Variants in AHDC1 observed in about 807,000 individuals in gnomAD.
AHDC1 encodes transcription factor Gibbin.
Under a neutral mutation model 87.9 loss-of-function variants are expected in AHDC1, and 7 were observed. The ratio of observed to expected loss-of-function variants is 0.08; its 90% CI spans 0.05 to 0.15. The LOEUF (loss-of-function observed/expected upper bound fraction) is 0.15, where lower values mean the gene tolerates loss of function less well. AHDC1 is among the 10% of genes least tolerant of loss of function. The pLI, the probability that AHDC1 is intolerant of heterozygous loss-of-function variation, is 1.00. For missense variants in AHDC1, 1,841 were observed against 2,253.2 expected (o/e 0.82, Z 3.70); for synonymous variants, 1,051 against 1,006.8 (o/e 1.04, Z -0.83).
At chr1:27,574,534 C>A (rs1278987446) in intron 3 of AHDC1, among the ~76,000 whole-genome samples, 2 of 152,180 alleles carry the variant, frequency 1.3e-5, no homozygotes, top group Non-Finnish European at 2.9e-5. Context: ...GGTCACACAG[C>A]CAGCGAGTGG....
intron 3 of AHDC1, among the ~76,000 whole-genome samples, chr1:27,600,056 G>A (rs754157255): frequency 1.3e-5 from 2 of 151,878 alleles, no homozygotes; most frequent in Non-Finnish European, 1.5e-5. Flanking sequence ...CTTGGTCCCC[G>A]GCCCCCACCT....
chr1:27,587,382 C>T (rs1044109208), intron 3 of AHDC1, among the ~76,000 whole-genome samples: 1 of 152,212 alleles, frequency 6.6e-6, no homozygotes, highest in African/African-American at 2.4e-5. Flanking sequence ...CACAACTTTC[C>T]CTTCTGTCCT....
At chr1:27,583,937 C>T (rs1405434716) in intron 3 of AHDC1, among the ~76,000 whole-genome samples, 1 of 152,206 alleles carries the variant, frequency 6.6e-6, no homozygotes, top group East Asian at 1.9e-4. Flanking sequence ...AAGCAGTTGT[C>T]CCCTCTTTCC....
In AHDC1 at chr1:27,560,200, T is replaced by TG. The variant is rs2020007843; in HGVS notation, c.-628-1318_-628-1317insC. On this transcript the variant is annotated intron_variant, in intron 3 of 8. Coordinates refer to ENST00000673934, the MANE Select transcript of AHDC1 (RefSeq NM_001371928.1). The surrounding 1 kb of genome is among the most constrained non-coding windows in gnomAD (Gnocchi z 4.1). Reference sequence around the variant, plus strand: ...CTTTTCACGTTTATTTCTATTCGTTTTGTGTGTGTGTGTGTGTGTGTGTGA... The same window carrying TG: ...CTTTTCACGTTTATTTCTATTCGTTTGTGTGTGTGTGTGTGTGTGTGTGTGA... Among the ~76,000 whole-genome samples the TG allele has an allele frequency of 4.0e-5, 6 of 148,424 alleles. No individual in the cohort carries two copies. The highest frequency in any genetic ancestry group is 9.0e-5 in the Non-Finnish European group (6 of 66,930).
chr1:27,603,069 G>T (rs1238138705), intron 3 of AHDC1, among the ~76,000 whole-genome samples: 1 of 151,010 alleles, frequency 6.6e-6, no homozygotes, highest in Non-Finnish European at 1.5e-5. Flanking sequence ...AAGGAGGAGG[G>T]GGCGCGCGGC....
chr1:27,543,408 G>A (rs754988974), intron 8 of AHDC1, among the ~76,000 whole-genome samples: 3 of 152,150 alleles, frequency 2.0e-5, no homozygotes, highest in South Asian at 4.1e-4. Flanking sequence ...TCTGTTCCCC[G>A]TCCCATCAGC....
intron 3 of AHDC1, among the ~76,000 whole-genome samples, chr1:27,600,121 T>C (rs2089489564): frequency 6.6e-6 from 1 of 151,974 alleles, no homozygotes; most frequent in African/African-American, 2.4e-5. Context: ...CTCTCATCAC[T>C]GGCTTTGGTC....
In AHDC1 at chr1:27,549,701, C is replaced by G. The variant is rs1482567934; in HGVS notation, c.2415G>C (p.Gly805=). 2.5e-6 allele frequency: 4 copies of G among 1,613,050 alleles called. No homozygotes were observed. The highest frequency in any genetic ancestry group is 3.4e-6 in the Non-Finnish European group (4 of 1,180,012). Residue 805 remains glycine, a synonymous_variant, in exon 8 of 9, where the codon GGG becomes GGC. Coordinates refer to ENST00000673934, the MANE Select transcript of AHDC1 (RefSeq NM_001371928.1). ...GTEARAFAST[G]LESGASGRGS... is the part of the protein sequence containing the mutation. ...CACGGCCTGAGGCTCCACTCTCCAGCCCAGTGGAGGCAAAGGCCCGGGCCT... is the reference window on the plus strand; with the variant it reads ...CACGGCCTGAGGCTCCACTCTCCAGGCCAGTGGAGGCAAAGGCCCGGGCCT...
chr1:27,586,831 G>T (rs1441146595), intron 3 of AHDC1, among the ~76,000 whole-genome samples: 1 of 152,176 alleles, frequency 6.6e-6, no homozygotes. Context: ...TAGGTCGGGG[G>T]GTTGGACACT....
intron 3 of AHDC1, among the ~76,000 whole-genome samples, chr1:27,602,626 TG>T (rs2089562107): frequency 1.3e-5 from 2 of 152,190 alleles, no homozygotes; most frequent in African/African-American, 4.8e-5. Flanking sequence ...CCTAGGGGGC[TG>T]ACAGCTGTCA....
In AHDC1 at chr1:27,547,819, T is replaced by C; in HGVS notation, c.4297A>G (p.Ser1433Gly). ...EPLKHGLQGA[S>G]LGHAAAAQAH... ...TGGGCTGCAGCTGCGTGGCCCAGGC[T>C]GGCCCCCTGGAGTCCATGCTTGAGG... Residue 1433 changes from serine (S) to glycine (G), a missense_variant, in exon 8 of 9, where the codon AGC becomes GGC. Around this residue, in one of 13 missense-constraint regions of AHDC1, gnomAD observed 505 missense variants for 626.2 expected, o/e 0.81. Coordinates refer to ENST00000673934, the MANE Select transcript of AHDC1 (RefSeq NM_001371928.1). This position sits in a 1 kb window ranked among gnomAD's most constrained non-coding sequence, Gnocchi z 4.9. 1 of 1,552,342 alleles carries C rather than the reference T, an allele frequency of 6.4e-7. No individual in the cohort carries two copies. Among genetic ancestry groups the C allele is most frequent in the Non-Finnish European group, 8.7e-7 (1 of 1,147,282 alleles).
At chr1:27,579,553 C>G (rs889041577) in intron 3 of AHDC1, among the ~76,000 whole-genome samples, 1 of 152,116 alleles carries the variant, frequency 6.6e-6, no homozygotes, top group Admixed American at 6.6e-5. Flanking sequence ...TGCCATGGAT[C>G]TAGGTTCCAG....
rs983097345 is a variant in AHDC1 at position 27,598,679 on chromosome 1, T to C, written c.-629+4718A>G. On this transcript the variant is annotated intron_variant, in intron 3 of 8. Coordinates refer to ENST00000673934, the MANE Select transcript of AHDC1 (RefSeq NM_001371928.1). The surrounding 1 kb of genome is among the most constrained non-coding windows in gnomAD (Gnocchi z 4.2). ...TAGGGACGTGGGGGGATCACACCAG[T>C]GTCACCCCCACAACAGTGGAGGCTG... 6.6e-6 allele frequency among the ~76,000 whole-genome samples: 1 copy of C among 152,118 alleles called. No individual in the cohort carries two copies. Among genetic ancestry groups the C allele is most frequent in the Admixed American group, 6.5e-5 (1 of 15,292 alleles).
intron 3 of AHDC1, among the ~76,000 whole-genome samples, chr1:27,577,623 G>A (rs1231979225): frequency 6.6e-6 from 1 of 152,130 alleles, no homozygotes; most frequent in Non-Finnish European, 1.5e-5. Context: ...AGACTGGCAG[G>A]CCCCCCACTC....
chr1:27,545,168 G>A (rs1326906524), intron 8 of AHDC1, among the ~76,000 whole-genome samples: 1 of 151,528 alleles, frequency 6.6e-6, no homozygotes, highest in East Asian at 1.9e-4. Context: ...CTCTTGTACA[G>A]TGCTTCCCAC....
chr1:27,559,755 C>T lies in AHDC1; in HGVS notation c.-628-872G>A, dbSNP rs1004774827. On this transcript the variant is annotated intron_variant, in intron 3 of 8. Coordinates refer to ENST00000673934, the MANE Select transcript of AHDC1 (RefSeq NM_001371928.1). The stretch of plus-strand genomic sequence containing the variant: ...TATGTCTCTTGTTTTCTTTAATAAC[C>T]ATGGCCCTCCTCACCACCCCCCTGC... Among the ~76,000 whole-genome samples, 4 of 152,146 alleles carry T rather than the reference C, an allele frequency of 2.6e-5. No individual in the cohort carries two copies. In the South Asian group the frequency reaches 8.3e-4, roughly 32 times the overall value.
At chr1:27,601,993 C>T (rs912038420) in intron 3 of AHDC1, among the ~76,000 whole-genome samples, 6 of 152,206 alleles carry the variant, frequency 3.9e-5, no homozygotes, top group Non-Finnish European at 7.4e-5. Context: ...CGGCGGGAAA[C>T]GCCTGCCCAG....
At chr1:27,539,206 C>T (rs1476460980) in intron 8 of AHDC1, among the ~76,000 whole-genome samples, 1 of 145,056 alleles carries the variant, frequency 6.9e-6, no homozygotes, top group Non-Finnish European at 1.5e-5. Context: ...GTGTCATGAT[C>T]GAGGGTCACC....
intron 3 of AHDC1, among the ~76,000 whole-genome samples, chr1:27,578,453 G>T (rs1364345208): frequency 1.3e-5 from 2 of 151,764 alleles, no homozygotes; most frequent in South Asian, 2.1e-4. Context: ...GCTGGGTGTG[G>T]TGGTGGGCAC....
Sources: allele counts gnomAD v4.1 joint callset (sites outside exome capture counted in the v4.1 genomes callset), GRCh38; gene constraint gnomAD v4.1.1; regional missense constraint gnomAD v4.1.1; non-coding constraint Gnocchi (gnomAD v3.1); transcripts MANE v1.5; gene names NCBI Gene and HGNC (gene_info 2026-07-23, HGNC 2026-07-21).